Variants in SCAPER observed in about 807,000 individuals in gnomAD.
SCAPER encodes the protein S-phase cyclin A associated protein in the ER, also known as S phase cyclin A-associated protein in the endoplasmic reticulum.
SCAPER carries 98 observed loss-of-function variants against 182.2 expected under a neutral mutation model. The ratio of observed to expected loss-of-function variants is 0.54; its 90% CI spans 0.46 to 0.64. SCAPER has a LOEUF of 0.64. Ranked by LOEUF, SCAPER falls within the 30% of genes least tolerant of loss-of-function variation. The pLI, the probability that SCAPER is intolerant of heterozygous loss-of-function variation, is 0.00. For synonymous variants in SCAPER, 605 were observed against 564.6 expected (o/e 1.07, Z -1.01); for missense variants, 1,432 against 1,690.0 (o/e 0.85, Z 2.68).
chr15:76,372,852 A>AT (rs2042277563), intron 29 of SCAPER, among the ~76,000 whole-genome samples: 1 of 152,230 alleles, frequency 6.6e-6, no homozygotes, highest in South Asian at 2.1e-4. Flanking sequence ...TGTTAAGTGC[A>AT]TAAAGCAGGA....
chr15:76,616,221 A>G (rs961521806), intron 22 of SCAPER, among the ~76,000 whole-genome samples: 1 of 152,222 alleles, frequency 6.6e-6, no homozygotes, highest in Non-Finnish European at 1.5e-5. Context: ...AAACAGTGGA[A>G]GCAATCCAAA....
At chr15:76,652,371 C>CACATATATATATATAT (rs764864981) in intron 21 of SCAPER, among the ~76,000 whole-genome samples, 8 of 8,060 alleles carry the variant, frequency 9.9e-4, no homozygotes, top group Admixed American at 2.2e-3. Context: ...CACACACACA[C>CACATATATATATATAT]ATATATATAT....
intron 23 of SCAPER, among the ~76,000 whole-genome samples, chr15:76,556,728 A>G (rs939082410): frequency 4.6e-5 from 7 of 152,160 alleles, no homozygotes; most frequent in African/African-American, 1.7e-4. Context: ...TTGAATCAGT[A>G]ATAAGCCTAT....
chr15:76,423,485 T>C (rs1266320885), intron 26 of SCAPER, among the ~76,000 whole-genome samples: 1 of 152,238 alleles, frequency 6.6e-6, no homozygotes, highest in Non-Finnish European at 1.5e-5. Context: ...TCATTTTTTA[T>C]TGTGTCTATT....
At chr15:76,413,042 A>C (rs909350689) in intron 26 of SCAPER, among the ~76,000 whole-genome samples, 1 of 152,170 alleles carries the variant, frequency 6.6e-6, no homozygotes, top group South Asian at 2.1e-4. Context: ...ATACATAGCG[A>C]TATGACTGAT....
At chr15:76,680,577 T>C (rs1047425528) in intron 20 of SCAPER, among the ~76,000 whole-genome samples, 2 of 152,082 alleles carry the variant, frequency 1.3e-5, no homozygotes, top group African/African-American at 2.4e-5. Context: ...TGGGAAGTTA[T>C]TGGGTGATGG....
intron 25 of SCAPER, among the ~76,000 whole-genome samples, chr15:76,435,526 C>G (rs1176848883): frequency 6.6e-6 from 1 of 152,156 alleles, no homozygotes; most frequent in Non-Finnish European, 1.5e-5. Context: ...CTTTCTCTAA[C>G]CTAGACTGGT....
At chr15:76,484,067 T>G (rs1240403831) in intron 24 of SCAPER, among the ~76,000 whole-genome samples, 1 of 152,182 alleles carries the variant, frequency 6.6e-6, no homozygotes, top group East Asian at 1.9e-4. Context: ...TATTAATGAC[T>G]GCCAAAACTT....
intron 23 of SCAPER, among the ~76,000 whole-genome samples, chr15:76,526,845 T>A (rs2043234191): frequency 6.6e-6 from 1 of 152,070 alleles, no homozygotes. Flanking sequence ...CTGAAAAATC[T>A]TTTTCAAATA....
At chr15:76,800,817 A>C (rs1463809117) in intron 6 of SCAPER, among the ~76,000 whole-genome samples, 1 of 152,196 alleles carries the variant, frequency 6.6e-6, no homozygotes, top group East Asian at 1.9e-4. Flanking sequence ...GGAAAATATA[A>C]AATGTCCTTC....
At chr15:76,579,609 G>A (rs1359657434) in intron 22 of SCAPER, among the ~76,000 whole-genome samples, 1 of 150,442 alleles carries the variant, frequency 6.6e-6, no homozygotes, top group African/African-American at 2.4e-5. Context: ...GAGAAAGAGA[G>A]AAAGGAAGAA....
rs752102507 is a variant in SCAPER at position 76,434,322 on chromosome 15, A to C, written c.3079-12T>G. 1.9e-5 allele frequency: 30 copies of C among 1,569,114 alleles called. No homozygotes were observed. The South Asian group carries it at 3.3e-4, about 17-fold the overall frequency. On this transcript the variant is annotated splice_polypyrimidine_tract_variant and intron_variant, in intron 25 of 31. Coordinates refer to ENST00000563290, the MANE Select transcript of SCAPER (RefSeq NM_020843.4). ...TCTGGAACATAAACCTAGATGAAAAAAAAGTACAGTAAATATGTTTCAATA... is the reference window on the plus strand; with the variant it reads ...TCTGGAACATAAACCTAGATGAAAACAAAGTACAGTAAATATGTTTCAATA...
rs141838271 is a variant in SCAPER at position 76,872,769 on chromosome 15, TAA to T, written c.7-10238_7-10237del. Among the ~76,000 whole-genome samples, 1,236 of 151,496 alleles carry T rather than the reference TAA, an allele frequency of 8.2e-3. 13 individuals are homozygous for T. Among genetic ancestry groups the T allele is most frequent in the African/African-American group, 0.028 (1,172 of 41,264 alleles). ...ACACCAAAAACAGTAAAAATATAAA[TAA>T]AAGAGTATGAATACAAACTATATGA... On this transcript the variant is annotated intron_variant, in intron 2 of 31. Transcript: ENST00000563290.
At chr15:76,712,498 G>A (rs1023521073) in intron 17 of SCAPER, among the ~76,000 whole-genome samples, 1 of 152,158 alleles carries the variant, frequency 6.6e-6, no homozygotes, top group African/African-American at 2.4e-5. Context: ...GCTTGATGGG[G>A]ATGGCACTGA....
chr15:76,652,403 G>T (rs1389198501), intron 21 of SCAPER, among the ~76,000 whole-genome samples: 7 of 31,144 alleles, frequency 2.2e-4, no homozygotes, highest in Non-Finnish European at 3.6e-4. Context: ...TATATATATA[G>T]CACTTTGGAA....
intron 17 of SCAPER, among the ~76,000 whole-genome samples, chr15:76,709,024 C>A (rs1478743337): frequency 6.6e-6 from 1 of 151,982 alleles, no homozygotes; most frequent in African/African-American, 2.4e-5. Context: ...TGAGAGCGCA[C>A]CACTGCACTC....
chr15:76,730,310 G>A (rs1165592306), intron 16 of SCAPER, among the ~76,000 whole-genome samples: 1 of 151,658 alleles, frequency 6.6e-6, no homozygotes. Context: ...GGGGGTAGGT[G>A]GTATAAGAAG....
intron 25 of SCAPER, among the ~76,000 whole-genome samples, chr15:76,441,918 T>C (rs926867938): frequency 3.9e-5 from 6 of 152,130 alleles, no homozygotes; most frequent in South Asian, 2.1e-4. Context: ...GTAGTAGATG[T>C]TCACTAAATA....
chr15:76,809,902 A>G (rs1303488770), intron 5 of SCAPER, among the ~76,000 whole-genome samples: 1 of 152,206 alleles, frequency 6.6e-6, no homozygotes, highest in African/African-American at 2.4e-5. Flanking sequence ...TAACACTATC[A>G]GTAGATTTTT....
Sources: gnomAD v4.1 joint callset for allele counts (sites outside exome capture counted in the v4.1 genomes callset) on GRCh38, gnomAD v4.1.1 for gene constraint, MANE v1.5 for transcripts, NCBI Gene and HGNC (gene_info 2026-07-23, HGNC 2026-07-21) for gene names.